Variants in GPC6 observed in about 807,000 individuals in gnomAD.
The protein encoded by GPC6 is glypican 6, also known as glypican-6.
In GPC6, 14 loss-of-function variants were observed where a neutral mutation model predicts 55.2. That is an observed-to-expected ratio of 0.25 (90% CI 0.17 to 0.40). The LOEUF is 0.40. GPC6 is among the 10% of genes least tolerant of loss of function. GPC6 has a pLI of 1.00. For synonymous variants in GPC6, 278 were observed against 259.6 expected, an observed-to-expected ratio of 1.07 and a Z score of -0.68; for missense variants, 641 against 708.5, an observed-to-expected ratio of 0.90 and a Z score of 1.08.
intron 2 of GPC6, among the ~76,000 whole-genome samples, chr13:93,696,099 T>C (rs1186331620): frequency 1.3e-5 from 2 of 152,170 alleles, no homozygotes; most frequent in Admixed American, 6.5e-5. Context: ...GAAATATGTG[T>C]TTTTAGGTTT....
intron 2 of GPC6, among the ~76,000 whole-genome samples, chr13:93,796,468 G>T (rs1406379404): frequency 1.3e-5 from 2 of 152,006 alleles, no homozygotes; most frequent in Non-Finnish European, 1.5e-5. Context: ...TACTTTTAAA[G>T]AAATGTGAGC....
At chr13:93,944,646 G>A (rs1878912198) in intron 3 of GPC6, among the ~76,000 whole-genome samples, 1 of 152,022 alleles carries the variant, frequency 6.6e-6, no homozygotes, top group African/African-American at 2.4e-5. Context: ...ATAAAAAGTT[G>A]GTATAAATAT....
intron 1 of GPC6, among the ~76,000 whole-genome samples, chr13:93,460,525 C>A (rs1174555588): frequency 1.3e-5 from 2 of 152,232 alleles, no homozygotes; most frequent in Admixed American, 6.5e-5. Flanking sequence ...ATTTAAAAAT[C>A]ATTTTCTACT....
chr13:93,623,459 T>C (rs1566454903), intron 2 of GPC6, among the ~76,000 whole-genome samples: 4 of 124,902 alleles, frequency 3.2e-5, no homozygotes, highest in African/African-American at 1.1e-4. Context: ...TCTTTTCTTT[T>C]TTTTTTTTTT....
chr13:94,345,415 T>G (rs916176579), intron 6 of GPC6, among the ~76,000 whole-genome samples: 2 of 152,224 alleles, frequency 1.3e-5, no homozygotes, highest in African/African-American at 4.8e-5. Flanking sequence ...AAGCTCCCTC[T>G]GAGTACTTAA....
chr13:94,052,944 A>G (rs1029305846), intron 4 of GPC6, among the ~76,000 whole-genome samples: 6 of 151,876 alleles, frequency 4.0e-5, no homozygotes, highest in Admixed American at 3.3e-4. Context: ...CTGGGACTCT[A>G]TTCTCTCTCA....
At chr13:93,530,323 C>T (rs1356872071) in intron 1 of GPC6, among the ~76,000 whole-genome samples, 2 of 152,204 alleles carry the variant, frequency 1.3e-5, no homozygotes, top group Non-Finnish European at 2.9e-5. Flanking sequence ...TCCCCACTGT[C>T]CACCATTCTT....
chr13:94,043,835 T>C (rs529953340), intron 4 of GPC6, among the ~76,000 whole-genome samples: 2 of 151,978 alleles, frequency 1.3e-5, no homozygotes, highest in South Asian at 4.1e-4. Flanking sequence ...TTTAGGTTTG[T>C]GGTATCCAGT....
intron 1 of GPC6, among the ~76,000 whole-genome samples, chr13:93,366,715 G>A (rs956876293): frequency 7.2e-5 from 11 of 151,938 alleles, no homozygotes; most frequent in African/African-American, 2.4e-4. Context: ...TATTTGGGTA[G>A]ACTTGAAATA....
intron 3 of GPC6, 65 bp downstream of exon 3, chr13:93,830,610 T>A: frequency 1.2e-6 from 1 of 857,188 alleles, no homozygotes; most frequent in Non-Finnish European, 1.6e-6. Context: ...AAAACCAATG[T>A]TTAAAAAAAA....
At chr13:94,376,604 C>G (rs1056538982) in intron 6 of GPC6, among the ~76,000 whole-genome samples, 19 of 151,436 alleles carry the variant, frequency 1.3e-4, no homozygotes, top group Admixed American at 5.9e-4. Flanking sequence ...GAATCAATAT[C>G]GTGAAAATGG....
At chr13:93,691,797 A>T (rs1264086033) in intron 2 of GPC6, among the ~76,000 whole-genome samples, 1 of 152,108 alleles carries the variant, frequency 6.6e-6, no homozygotes, top group Non-Finnish European at 1.5e-5. Flanking sequence ...AAAGGATCTT[A>T]TATGCCGTGA....
At chr13:93,808,405 G>GT (rs1433447803) in intron 2 of GPC6, among the ~76,000 whole-genome samples, 3 of 152,148 alleles carry the variant, frequency 2.0e-5, no homozygotes, top group African/African-American at 7.2e-5. Context: ...CATGTAAATT[G>GT]TAAGAATTAG....
At chr13:94,383,866 G>A (rs570734738) in intron 7 of GPC6, among the ~76,000 whole-genome samples, 44 of 152,286 alleles carry the variant, frequency 2.9e-4, no homozygotes, top group Non-Finnish European at 5.4e-4. Flanking sequence ...GGCGAAGCAG[G>A]TGCCTTCCTC....
At chr13:94,112,837 T>C (rs191652677) in intron 4 of GPC6, among the ~76,000 whole-genome samples, 2 of 152,260 alleles carry the variant, frequency 1.3e-5, no homozygotes, top group African/African-American at 4.8e-5. Context: ...ATTTTCTTTT[T>C]CCTTTTTTTT....
chr13:94,137,985 A>C (rs1593974844), intron 4 of GPC6, among the ~76,000 whole-genome samples: 1 of 152,350 alleles, frequency 6.6e-6, no homozygotes, highest in Non-Finnish European at 1.5e-5. Context: ...TTTAAAAACA[A>C]GAAGCAAACA....
At chr13:94,334,525 C>T (rs538719506) in intron 6 of GPC6, among the ~76,000 whole-genome samples, 4 of 152,218 alleles carry the variant, frequency 2.6e-5, no homozygotes, top group African/African-American at 9.7e-5. Context: ...GAAACAGTGG[C>T]CTTCTCATTA....
At chr13:94,239,931 C>G (rs1891002899) in intron 4 of GPC6, among the ~76,000 whole-genome samples, 1 of 151,964 alleles carries the variant, frequency 6.6e-6, no homozygotes, top group Non-Finnish European at 1.5e-5. Context: ...GACCAATGGA[C>G]CCAGTTTTCC....
Position 93,521,123 on chromosome 13 carries a change from A to G in GPC6, c.161-24140A>G, listed in dbSNP as rs1205260817. Among the ~76,000 whole-genome samples the G allele has an allele frequency of 2.0e-5, 3 of 151,976 alleles. No homozygotes were observed. In the East Asian group the frequency reaches 5.8e-4, roughly 29 times the overall value. On this transcript the variant is annotated intron_variant, in intron 1 of 8. Transcript: ENST00000377047. Reference sequence around the variant, plus strand: ...TTAAGGGAATATAAGGAAATCTTTTAGTGGAATACTGCTGTCTCTGAAAAC... The same window carrying G: ...TTAAGGGAATATAAGGAAATCTTTTGGTGGAATACTGCTGTCTCTGAAAAC...
Sources: allele counts gnomAD v4.1 joint callset (sites outside exome capture counted in the v4.1 genomes callset), GRCh38; gene constraint gnomAD v4.1.1; transcripts MANE v1.5; gene names NCBI Gene and HGNC (gene_info 2026-07-23, HGNC 2026-07-21).